RAB11FIP5: variants seen among roughly 807,000 people sequenced by gnomAD.
The protein encoded by RAB11FIP5 is RAB11 family interacting protein 5.
RAB11FIP5 carries 48 observed loss-of-function variants against 85.1 expected under a neutral mutation model. The ratio of observed to expected loss-of-function variants is 0.56; its 90% CI spans 0.45 to 0.72. The LOEUF (loss-of-function observed/expected upper bound fraction) is 0.72, where lower values mean the gene tolerates loss of function less well. Among genes scored for constraint, RAB11FIP5 ranks in the 30% least tolerant of loss-of-function variants. The pLI is 0.00. For synonymous variants in RAB11FIP5, 729 were observed against 727.3 expected (o/e 1.00, Z -0.04); for missense variants, 1,491 against 1,687.0 (o/e 0.88, Z 2.04).
rs1413995162 is a variant in RAB11FIP5, at chr2:73,088,405, C to T, written c.1213G>A (p.Glu405Lys). ...AGGACTTTAGCCTGAGCACTCAGCT[C>T]CTCCTGTCCAAGCACTGCCTCTGAG... The part of the protein sequence containing the change: ...SSSEAVLGQE[E>K]LSAQAKVLAP... Residue 405 changes from glutamate (E) to lysine (K), a missense_variant, in exon 3 of 6, where the codon GAG becomes AAG. Transcript: ENST00000486777. The T allele has an allele frequency of 1.2e-6, 2 of 1,613,900 alleles. No individual in the cohort carries two copies. Among genetic ancestry groups the T allele is most frequent in the Admixed American group, 1.7e-5 (1 of 60,024 alleles).
rs1252436269 is a variant in RAB11FIP5 at position 73,089,568 on chromosome 2, C to T, written c.432-253G>A. The T allele has an allele frequency of 7.1e-6, 4 of 560,888 alleles. No homozygotes were observed. Among genetic ancestry groups the T allele is most frequent in the Non-Finnish European group, 1.3e-5 (4 of 308,748 alleles). 34.7% of individuals were successfully genotyped at this position (560,888 alleles called of 1,614,324 possible). On this transcript the variant is annotated intron_variant, in intron 1 of 5. Transcript: ENST00000486777. This position sits in a 1 kb window ranked among gnomAD's most constrained non-coding sequence, Gnocchi z 4.6. ...GCTCCTCGGGTGCCACCAGGTAGGG[C>T]GGCGGTTACCACACCATGCCTCCTC...
chr2:73,099,037 T>C (rs1181695558), intron 1 of RAB11FIP5, among the ~76,000 whole-genome samples: 5 of 151,658 alleles, frequency 3.3e-5, no homozygotes, highest in Admixed American at 3.3e-4. Context: ...TTTTTTGTTT[T>C]TTTTTTCTTT....
chr2:73,077,972 G>A (rs1683895832), intron 4 of RAB11FIP5, among the ~76,000 whole-genome samples: 1 of 152,234 alleles, frequency 6.6e-6, no homozygotes, highest in Non-Finnish European at 1.5e-5. Context: ...GAGACTCTCA[G>A]GCTAGATCCA....
At chr2:73,102,379 T>A (rs1399589031) in intron 1 of RAB11FIP5, among the ~76,000 whole-genome samples, 1 of 152,190 alleles carries the variant, frequency 6.6e-6, no homozygotes, top group African/African-American at 2.4e-5. Context: ...CAGGCTGACC[T>A]GAGCAACTCC....
intron 1 of RAB11FIP5, among the ~76,000 whole-genome samples, chr2:73,108,800 TTGGGAGGCCAAGACAGG>T (rs1393123409): frequency 6.6e-6 from 1 of 152,134 alleles, no homozygotes; most frequent in East Asian, 1.9e-4. Flanking sequence ...TCCCAGCACT[TTGGGAGGCCAAGACAGG>T]TGGATCACCT....
Position 73,081,198 on chromosome 2 carries a change from C to A in RAB11FIP5, c.2034G>T (p.Ala678=). 1 of 1,232,298 alleles carries A rather than the reference C, an allele frequency of 8.1e-7. No homozygotes were observed. The highest frequency in any genetic ancestry group is 1.0e-6 in the Non-Finnish European group (1 of 988,158). 76.3% of individuals were successfully genotyped at this position (1,232,298 alleles called of 1,614,324 possible). ...ILAPAGVGLE[A]AGLQDPGPGA... Reference sequence around the variant, plus strand: ...CAGGGCCTGGGTCTTGCAGCCCTGCCGCCTCCAGCCCCACTCCTGCAGGGG... The same window carrying A: ...CAGGGCCTGGGTCTTGCAGCCCTGCAGCCTCCAGCCCCACTCCTGCAGGGG... The change falls in exon 4 of 6, where the codon GCG becomes GCT. Residue 678 remains alanine (A), a synonymous_variant. Coordinates refer to ENST00000486777, the MANE Select transcript of RAB11FIP5 (RefSeq NM_001371272.1). This position sits in a 1 kb window ranked among gnomAD's most constrained non-coding sequence, Gnocchi z 4.2.
In RAB11FIP5 at chr2:73,088,986, G is replaced by A. The variant is rs759426267; in HGVS notation, c.761C>T (p.Ser254Leu). Reference sequence around the variant, plus strand: ...GCTGGCTGAGGACAGGGTGCTGTCCGAGCCCAGCGAGGTGTTGGACTGGGT... The same window carrying A: ...GCTGGCTGAGGACAGGGTGCTGTCCAAGCCCAGCGAGGTGTTGGACTGGGT... ...SLTQSNTSLGSDSTLSSASGS... is the reference protein window; with the variant it reads ...SLTQSNTSLGLDSTLSSASGS... Residue 254 changes from serine to leucine, a missense_variant, in exon 2 of 6, where the codon TCG (serine) becomes TTG (leucine). Ser to Leu is a moderately radical substitution (Grantham distance 145). Coordinates refer to ENST00000486777, the MANE Select transcript of RAB11FIP5 (RefSeq NM_001371272.1). The A allele has an allele frequency of 5.6e-6, 9 of 1,614,072 alleles. No homozygotes were observed. Among genetic ancestry groups the A allele is most frequent in the East Asian group, 4.5e-5 (2 of 44,890 alleles).
rs533093910 is a variant in RAB11FIP5, at chr2:73,101,043, G to C, written c.431+11304C>G. The stretch of plus-strand genomic sequence containing the variant: ...CTGGGAGAAAGGTTGGTGGTGGGGT[G>C]GGGGGGATTTGGAATGCTGGGGGGC... On this transcript the variant is annotated intron_variant, in intron 1 of 5. Coordinates refer to ENST00000486777, the MANE Select transcript of RAB11FIP5 (RefSeq NM_001371272.1). Among the ~76,000 whole-genome samples the C allele has an allele frequency of 1.2e-4, 18 of 144,064 alleles. No homozygotes were observed. The East Asian group carries it at 4.1e-3, about 33-fold the overall frequency. 94.5% of individuals were successfully genotyped at this position (144,064 alleles called of 152,430 possible). A position where few individuals can be genotyped will look rare whatever the true frequency, so the allele number is the denominator to read the frequency against.
intron 1 of RAB11FIP5, among the ~76,000 whole-genome samples, chr2:73,101,055 G>A (rs1684420132): frequency 7.2e-6 from 1 of 139,830 alleles, no homozygotes. Context: ...GGGGGATTTG[G>A]AATGCTGGGG....
rs1450869167 is a variant in RAB11FIP5 at position 73,089,539 on chromosome 2, G to A, written c.432-224C>T. 1.3e-5 allele frequency: 8 copies of A among 629,036 alleles called. No individual in the cohort carries two copies. The East Asian group carries it at 2.3e-4, about 18-fold the overall frequency. 39.0% of individuals were successfully genotyped at this position (629,036 alleles called of 1,614,324 possible). On this transcript the variant is annotated intron_variant, in intron 1 of 5. Coordinates refer to ENST00000486777, the MANE Select transcript of RAB11FIP5 (RefSeq NM_001371272.1). This position sits in a 1 kb window ranked among gnomAD's most constrained non-coding sequence, Gnocchi z 4.6. Reference sequence around the variant, plus strand: ...ATGGAGAAAACCACATCCTGAGTGGGGAAGCTCCTCGGGTGCCACCAGGTA... The same window carrying A: ...ATGGAGAAAACCACATCCTGAGTGGAGAAGCTCCTCGGGTGCCACCAGGTA...
At chr2:73,093,116 G>A (rs139078178) in intron 1 of RAB11FIP5, among the ~76,000 whole-genome samples, 38 of 152,304 alleles carry the variant, frequency 2.5e-4, no homozygotes, top group Admixed American at 9.8e-4. Context: ...TGAGGAATCC[G>A]CAATGAAAAC....
Sources: allele counts gnomAD v4.1 joint callset (sites outside exome capture counted in the v4.1 genomes callset), GRCh38; gene constraint gnomAD v4.1.1; non-coding constraint Gnocchi (gnomAD v3.1); transcripts MANE v1.5; gene names NCBI Gene and HGNC (gene_info 2026-07-23, HGNC 2026-07-21).